Variants in DISC1 observed in about 807,000 individuals in gnomAD.
DISC1 encodes DISC1 scaffold protein.
Under a neutral mutation model 84.5 loss-of-function variants are expected in DISC1, and 57 were observed. The observed-to-expected ratio is 0.67, with a 90% CI of 0.55 to 0.84. The LOEUF (loss-of-function observed/expected upper bound fraction) is 0.84, where lower values mean the gene tolerates loss of function less well. Among genes scored for constraint, DISC1 ranks in the 40% least tolerant of loss-of-function variants. DISC1 has a pLI of 0.00. For missense variants in DISC1, 1,000 were observed against 1,057.8 expected, an observed-to-expected ratio of 0.95 and a Z score of 0.76; for synonymous variants, 411 against 415.2, an observed-to-expected ratio of 0.99 and a Z score of 0.12.
intron 1 of DISC1, among the ~76,000 whole-genome samples, chr1:231,680,555 A>G (rs1447887023): frequency 1.3e-5 from 2 of 152,208 alleles, no homozygotes; most frequent in African/African-American, 2.4e-5. Flanking sequence ...GAAAAAAAAT[A>G]CTGAATATCC....
intron 9 of DISC1, among the ~76,000 whole-genome samples, chr1:231,863,434 T>C (rs1376079671): frequency 6.6e-6 from 1 of 152,102 alleles, no homozygotes. Context: ...TTTCACCATG[T>C]TGGCCAGGCT....
At chr1:231,840,599 A>G (rs2082965769) in intron 9 of DISC1, among the ~76,000 whole-genome samples, 2 of 151,866 alleles carry the variant, frequency 1.3e-5, no homozygotes, top group Non-Finnish European at 2.9e-5. Context: ...TGGAAAAGAG[A>G]CCTCTAAGGG....
At chr1:231,778,025 T>C (rs1169706970) in intron 6 of DISC1, among the ~76,000 whole-genome samples, 1 of 152,050 alleles carries the variant, frequency 6.6e-6, no homozygotes, top group Non-Finnish European at 1.5e-5. Context: ...TGGAAAGAAG[T>C]CCAGCCCAGC....
At position 231,850,213 on chromosome 1, in the gene DISC1, G is replaced by A. The variant is rs535015711; in HGVS notation, c.1981+31696G>A. On this transcript the variant is annotated intron_variant, in intron 9 of 12. Transcript: ENST00000439617. ...AGGGTGGAGGGGTCCCTGGATGATG[G>A]GGGTGCCTTCCCCTTGGCTGTCTTT... 3.9e-5 allele frequency among the ~76,000 whole-genome samples: 6 copies of A among 152,326 alleles called. 1 individual carries two copies. The South Asian group carries it at 1.2e-3, about 32-fold the overall frequency.
intron 8 of DISC1, among the ~76,000 whole-genome samples, chr1:231,803,146 A>G (rs1483603775): frequency 1.3e-5 from 2 of 152,170 alleles, no homozygotes; most frequent in South Asian, 2.1e-4. Flanking sequence ...GGGAGAATCC[A>G]CACCCAAGAC....
At position 231,750,610 on chromosome 1, in the gene DISC1, A is replaced by C. The variant is rs940480739; in HGVS notation, c.1268+534A>C. 10 of 983,858 alleles carry C rather than the reference A, an allele frequency of 1.0e-5. No homozygotes were observed. The African/African-American group carries it at 1.7e-4, about 17-fold the overall frequency. 60.9% of individuals were successfully genotyped at this position (983,858 alleles called of 1,614,324 possible). On this transcript the variant is annotated intron_variant, in intron 4 of 12. Transcript: ENST00000439617. The stretch of plus-strand genomic sequence containing the variant: ...CTTGTGGTCCTGGCTGCATGTTTGA[A>C]TAACTTAGAAAGATTTAAAACCTAC...
At chr1:231,843,898 C>G (rs1222849179) in intron 9 of DISC1, among the ~76,000 whole-genome samples, 1 of 152,138 alleles carries the variant, frequency 6.6e-6, no homozygotes, top group Non-Finnish European at 1.5e-5. Flanking sequence ...TGACTGACGG[C>G]AGGGCTTTGG....
intron 9 of DISC1, among the ~76,000 whole-genome samples, chr1:231,886,805 T>TTCTTTCTTTCTTTCTTTC (rs2125994719): frequency 6.9e-6 from 1 of 145,402 alleles, no homozygotes; most frequent in Non-Finnish European, 1.5e-5. Flanking sequence ...CTTTCTTTCT[T>TTCTTTCTTTCTTTCTTTC]TCTTTCTTTC....
chr1:231,803,803 C>G (rs557708190), intron 8 of DISC1, among the ~76,000 whole-genome samples: 7 of 152,138 alleles, frequency 4.6e-5, no homozygotes, highest in Non-Finnish European at 8.8e-5. Context: ...AAAAAATTAG[C>G]TAGGCGTCAT....
chr1:231,672,763 C>T (rs950360791), intron 1 of DISC1, among the ~76,000 whole-genome samples: 8 of 152,202 alleles, frequency 5.3e-5, no homozygotes, highest in Non-Finnish European at 1.2e-4. Context: ...CTTGTAGATA[C>T]TTTACCCACC....
intron 9 of DISC1, among the ~76,000 whole-genome samples, chr1:231,862,269 G>A (rs1283974246): frequency 1.3e-5 from 2 of 152,174 alleles, no homozygotes; most frequent in African/African-American, 4.8e-5. Flanking sequence ...CTATTATTAG[G>A]CAGAGCAGAG....
intron 4 of DISC1, among the ~76,000 whole-genome samples, chr1:231,761,346 A>G (rs931332818): frequency 1.6e-4 from 25 of 152,260 alleles, no homozygotes; most frequent in African/African-American, 6.0e-4. Flanking sequence ...ATTATTAAAT[A>G]TAAAGGGGAC....
chr1:231,626,904 G>A lies in DISC1; in HGVS notation c.37G>A (p.Ala13Thr), dbSNP rs1165256725. Residue 13 changes from alanine (A) to threonine (T), a missense_variant, in exon 1 of 13, where the codon GCC (alanine) becomes ACC (threonine). Physicochemically the swap from Ala to Thr is moderately conservative, Grantham distance 58 (BLOSUM62 0). This residue lies in a region of DISC1 where 292 missense variants were observed against 280.2 expected (regional missense o/e 1.04). Transcript: ENST00000439617. ...GGGPQGAPAA[A>T]GGGGVSHRAG... is the part of the protein sequence containing the mutation. The stretch of plus-strand genomic sequence containing the variant: ...GGGTCCTCAGGGCGCCCCAGCCGCC[G>A]CCGGCGGCGGCGGCGTGAGCCACCG... The A allele has an allele frequency of 2.7e-6, 4 of 1,501,932 alleles. No individual in the cohort carries two copies. The East Asian group carries it at 1.1e-4, about 40-fold the overall frequency. The allele number at this position is 1,501,932 out of a possible 1,614,324, so 93.0% of individuals were successfully genotyped here. A position where few individuals can be genotyped will look rare whatever the true frequency, so the allele number is the denominator to read the frequency against.
At chr1:231,873,490 A>G (rs1574355079) in intron 9 of DISC1, among the ~76,000 whole-genome samples, 2 of 152,186 alleles carry the variant, frequency 1.3e-5, no homozygotes, top group African/African-American at 4.8e-5. Flanking sequence ...CAAGGGACCA[A>G]TTAGTGATTT....
At chr1:231,908,704 A>G (rs1310772160) in intron 9 of DISC1, among the ~76,000 whole-genome samples, 2 of 152,194 alleles carry the variant, frequency 1.3e-5, no homozygotes, top group African/African-American at 4.8e-5. Context: ...CAGTTCTGTG[A>G]AGAAAGTCAT....
chr1:231,708,660 C>T (rs1157449304), intron 3 of DISC1, among the ~76,000 whole-genome samples: 2 of 152,128 alleles, frequency 1.3e-5, no homozygotes, highest in Non-Finnish European at 2.9e-5. Flanking sequence ...GAGGGAGGAC[C>T]AGCTGTGTGC....
At chr1:231,919,381 G>A (rs1291068045) in intron 9 of DISC1, among the ~76,000 whole-genome samples, 1 of 152,178 alleles carries the variant, frequency 6.6e-6, no homozygotes, top group African/African-American at 2.4e-5. Flanking sequence ...AGTTTTGGGT[G>A]GATTTCTTTT....
At chr1:231,915,649 G>C (rs969821239) in intron 9 of DISC1, among the ~76,000 whole-genome samples, 4 of 152,186 alleles carry the variant, frequency 2.6e-5, no homozygotes, top group African/African-American at 9.7e-5. Flanking sequence ...GTGGTGGCAG[G>C]CACCTGTAAT....
intron 6 of DISC1, among the ~76,000 whole-genome samples, chr1:231,773,952 A>AG (rs1305720028): frequency 1.3e-5 from 2 of 152,068 alleles, no homozygotes; most frequent in East Asian, 3.9e-4. Context: ...GGCTTCATGT[A>AG]GGAGGAGATC....
Sources: gnomAD v4.1 joint callset for allele counts (sites outside exome capture counted in the v4.1 genomes callset) on GRCh38, gnomAD v4.1.1 for gene constraint, gnomAD v4.1.1 regional missense constraint, MANE v1.5 for transcripts, NCBI Gene and HGNC (gene_info 2026-07-23, HGNC 2026-07-21) for gene names.